MDFIC: variants seen among roughly 807,000 people sequenced by gnomAD.
MDFIC encodes MyoD family inhibitor domain containing, also known as myoD family inhibitor domain-containing protein.
MDFIC carries 17 observed loss-of-function variants against 23.2 expected under a neutral mutation model. That is an observed-to-expected ratio of 0.73 (90% CI 0.50 to 1.10). The LOEUF (loss-of-function observed/expected upper bound fraction) is 1.10, where lower values mean the gene tolerates loss of function less well. Ranked by LOEUF, MDFIC falls within the 50% of genes least tolerant of loss-of-function variation. The probability of loss-of-function intolerance (pLI) is 0.00; values close to 1 mark genes in which losing one functional copy is unlikely to be tolerated. For missense variants in MDFIC, 356 were observed against 316.6 expected, an observed-to-expected ratio of 1.12 and a Z score of -0.95; for synonymous variants, 120 against 115.2, an observed-to-expected ratio of 1.04 and a Z score of -0.27.
intron 4 of MDFIC, among the ~76,000 whole-genome samples, chr7:114,994,596 C>G (rs1791279075): frequency 6.6e-6 from 1 of 152,182 alleles, no homozygotes; most frequent in Non-Finnish European, 1.5e-5. Context: ...TTTTATTTCT[C>G]CTTCACTTAT....
chr7:114,928,557 T>C (rs75047096), intron 2 of MDFIC, among the ~76,000 whole-genome samples: 2,642 of 152,142 alleles, frequency 0.017, 122 homozygotes, highest in East Asian at 0.17. Context: ...TTGGGGGAGA[T>C]GATTACAGAA....
intron 2 of MDFIC, among the ~76,000 whole-genome samples, chr7:114,938,005 G>C (rs1212324915): frequency 6.6e-6 from 1 of 152,110 alleles, no homozygotes. Context: ...GCCCAGGCTG[G>C]AGTGCAGTGG....
chr7:115,016,754 T>G lies in MDFIC; in HGVS notation c.*819T>G, dbSNP rs1160210185. ...CCCACATAATAGTTGGGAACCAGTG[T>G]TGATCTCTCTCCCTTACCTTCTCCA... On this transcript the variant is annotated 3_prime_UTR_variant, in exon 5 of 5. Coordinates refer to ENST00000393486, the MANE Select transcript of MDFIC (RefSeq NM_001166345.3). 6.5e-6 allele frequency: 1 copy of G among 152,976 alleles called. No homozygotes were observed. Among genetic ancestry groups the G allele is most frequent in the Non-Finnish European group, 1.5e-5 (1 of 68,680 alleles). 9.5% of individuals were successfully genotyped at this position (152,976 alleles called of 1,614,324 possible).
intron 4 of MDFIC, among the ~76,000 whole-genome samples, chr7:114,985,094 T>C (rs1793486659): frequency 6.6e-6 from 1 of 152,122 alleles, no homozygotes; most frequent in South Asian, 2.1e-4. Flanking sequence ...ACTAGCCTGG[T>C]TGGGATCAAA....
rs1793384588 is a variant in MDFIC, at chr7:114,979,689, A to T, written c.401A>T (p.Lys134Ile). ...CCTGTTTCTCAAAAAATGCATAGAAAAATTCAGTCCAGCTTGTCTGTAAAC... is the reference window on the plus strand; with the variant it reads ...CCTGTTTCTCAAAAAATGCATAGAATAATTCAGTCCAGCTTGTCTGTAAAC... ...SAPVSQKMHR[K>I]IQSSLSVNSD... is the part of the protein sequence containing the mutation. The change falls in exon 4 of 5, where the codon AAA becomes ATA. Residue 134 changes from lysine to isoleucine, a missense_variant. By Grantham distance (102) the Lys-to-Ile change is moderately radical (BLOSUM62 -3). Transcript: ENST00000393486. 1 of 1,614,012 alleles carries T rather than the reference A, an allele frequency of 6.2e-7. No homozygotes were observed. The highest frequency in any genetic ancestry group is 8.5e-7 in the Non-Finnish European group (1 of 1,180,014).
At chr7:115,006,809 T>A (rs1791578614) in intron 4 of MDFIC, among the ~76,000 whole-genome samples, 1 of 152,190 alleles carries the variant, frequency 6.6e-6, no homozygotes, top group Non-Finnish European at 1.5e-5. Context: ...GTGTTTAAGA[T>A]CTAAAGTAGA....
chr7:115,019,509 G>A lies in MDFIC; in HGVS notation c.*3574G>A, dbSNP rs1298777119. Among the ~76,000 whole-genome samples the A allele has an allele frequency of 1.4e-4, 21 of 151,968 alleles. No individual in the cohort carries two copies. The highest frequency in any genetic ancestry group is 3.6e-4 in the African/African-American group (15 of 41,396). On this transcript the variant is annotated 3_prime_UTR_variant, in exon 5 of 5. Transcript: ENST00000393486. ...TCACTGCCCAACATAAATAAGACTC[G>A]AGACTTATTAACATAAATAAGTATC... is the stretch of plus-strand genomic sequence containing the variant.
At chr7:114,953,240 T>C (rs1007286266) in intron 3 of MDFIC, among the ~76,000 whole-genome samples, 5 of 152,236 alleles carry the variant, frequency 3.3e-5, no homozygotes, top group African/African-American at 1.2e-4. Flanking sequence ...TACATGTAAC[T>C]TGTTTTTTGA....
At chr7:115,007,082 T>A (rs1190807900) in intron 4 of MDFIC, among the ~76,000 whole-genome samples, 1 of 152,208 alleles carries the variant, frequency 6.6e-6, no homozygotes, top group Non-Finnish European at 1.5e-5. Flanking sequence ...AAATTCTGTT[T>A]CTTAGAGTTG....
intron 4 of MDFIC, among the ~76,000 whole-genome samples, chr7:114,990,220 G>A (rs919371210): frequency 1.3e-5 from 2 of 152,116 alleles, no homozygotes; most frequent in African/African-American, 4.8e-5. Flanking sequence ...TTGATTAATT[G>A]TGATAATCTT....
intron 4 of MDFIC, among the ~76,000 whole-genome samples, chr7:115,003,596 C>A (rs977435569): frequency 6.6e-6 from 1 of 152,132 alleles, no homozygotes; most frequent in African/African-American, 2.4e-5. Context: ...CACTGCATGT[C>A]GTTCCTGCTT....
chr7:115,014,620 C>A, intron 4 of MDFIC: 5 of 995,574 alleles, frequency 5.0e-6, no homozygotes, highest in African/African-American at 1.8e-5. Flanking sequence ...AGTACAAAAA[C>A]AAAAAAACAA....
intron 3 of MDFIC, among the ~76,000 whole-genome samples, chr7:114,977,105 A>G (rs1793331293): frequency 6.6e-6 from 1 of 152,154 alleles, no homozygotes; most frequent in African/African-American, 2.4e-5. Context: ...AGCACAGTAA[A>G]ATTTTCACAA....
chr7:114,994,592 T>C (rs1412076638), intron 4 of MDFIC, among the ~76,000 whole-genome samples: 1 of 152,222 alleles, frequency 6.6e-6, no homozygotes, highest in Non-Finnish European at 1.5e-5. Context: ...AGTATTTTAT[T>C]TCTCCTTCAC....
chr7:114,951,487 T>G (rs1792769123), intron 3 of MDFIC, among the ~76,000 whole-genome samples: 1 of 152,178 alleles, frequency 6.6e-6, no homozygotes, highest in Non-Finnish European at 1.5e-5. Context: ...TAGATACATA[T>G]GTATATGAAG....
intron 4 of MDFIC, among the ~76,000 whole-genome samples, chr7:115,001,771 A>G (rs1219109920): frequency 6.6e-6 from 1 of 152,162 alleles, no homozygotes; most frequent in Non-Finnish European, 1.5e-5. Context: ...AGAAATAAGT[A>G]TGCACCTACT....
intron 4 of MDFIC, among the ~76,000 whole-genome samples, chr7:115,009,950 C>T (rs1465494239): frequency 6.6e-6 from 1 of 152,134 alleles, no homozygotes; most frequent in African/African-American, 2.4e-5. Context: ...GCAATTCTTG[C>T]TTGGCCCAGT....
chr7:114,990,472 G>A (rs1252664790), intron 4 of MDFIC, among the ~76,000 whole-genome samples: 1 of 151,966 alleles, frequency 6.6e-6, no homozygotes, highest in East Asian at 1.9e-4. Context: ...TTTACATTAG[G>A]TATATCTCCT....
In MDFIC at chr7:114,922,673, T is replaced by G. The variant is rs116712415; in HGVS notation, c.-108+37T>G. 2.2e-6 allele frequency: 3 copies of G among 1,340,190 alleles called. No individual in the cohort carries two copies. The African/African-American group carries it at 4.6e-5, about 21-fold the overall frequency. The allele number at this position is 1,340,190 out of a possible 1,614,324, so 83.0% of individuals were successfully genotyped here. Reference sequence around the variant, plus strand: ...TCTCCGGGCGGGGAAGAGGAGGGGTTTGATCCCCATCCCCGGGGTTCTCCC... The same window carrying G: ...TCTCCGGGCGGGGAAGAGGAGGGGTGTGATCCCCATCCCCGGGGTTCTCCC... On this transcript the variant is annotated intron_variant, in intron 1 of 4. Transcript: ENST00000393486.
Sources: gnomAD v4.1 joint callset for allele counts (sites outside exome capture counted in the v4.1 genomes callset) on GRCh38, gnomAD v4.1.1 for gene constraint, MANE v1.5 for transcripts, NCBI Gene and HGNC (gene_info 2026-07-23, HGNC 2026-07-21) for gene names.